The following CACNB2 variants were observed in gnomAD, a reference collection of about 807,000 sequenced individuals.
The protein encoded by CACNB2 is calcium voltage-gated channel auxiliary subunit beta 2.
In CACNB2, 42 loss-of-function variants were observed where a neutral mutation model predicts 73.3. The observed-to-expected ratio is 0.57, with a 90% confidence interval of 0.45 to 0.74. The LOEUF is 0.74. Among genes scored for constraint, CACNB2 ranks in the 30% least tolerant of loss-of-function variants. The probability of loss-of-function intolerance (pLI) is 0.00; values close to 1 mark genes in which losing one functional copy is unlikely to be tolerated. For missense variants in CACNB2, 940 were observed against 853.0 expected, an observed-to-expected ratio of 1.10 and a Z score of -1.27; for synonymous variants, 348 against 310.3, an observed-to-expected ratio of 1.12 and a Z score of -1.28.
intron 9 of CACNB2, among the ~76,000 whole-genome samples, chr10:18,527,098 G>A (rs1250535329): frequency 6.6e-6 from 1 of 151,140 alleles, no homozygotes; most frequent in African/African-American, 2.4e-5. Flanking sequence ...GTGCAGGATA[G>A]GGCCGGGCGC....
chr10:18,242,359 G>A (rs543272837), intron 2 of CACNB2, among the ~76,000 whole-genome samples: 1 of 152,160 alleles, frequency 6.6e-6, no homozygotes. Flanking sequence ...ATATACTTGA[G>A]TAGAGAGTTG....
chr10:18,479,006 T>C (rs944049829), intron 3 of CACNB2, among the ~76,000 whole-genome samples: 2 of 151,946 alleles, frequency 1.3e-5, no homozygotes, highest in African/African-American at 4.8e-5. Flanking sequence ...TGCGGTGAGT[T>C]CTGATCCTAC....
intron 3 of CACNB2, among the ~76,000 whole-genome samples, chr10:18,496,340 A>T (rs1325836222): frequency 6.6e-6 from 1 of 152,150 alleles, no homozygotes; most frequent in South Asian, 2.1e-4. Context: ...AGGGATCTTA[A>T]GTCAGTCTTA....
chr10:18,350,276 TAATA>T (rs1472111202), intron 2 of CACNB2, among the ~76,000 whole-genome samples: 1 of 151,940 alleles, frequency 6.6e-6, no homozygotes, highest in East Asian at 1.9e-4. Context: ...ATAAAAATAA[TAATA>T]ATAATTCTCA....
chr10:18,325,512 G>A (rs2040548435), intron 2 of CACNB2, among the ~76,000 whole-genome samples: 1 of 150,096 alleles, frequency 6.7e-6, no homozygotes, highest in South Asian at 2.1e-4. Context: ...TAGTCTGTCT[G>A]TCTTTCTTTC....
chr10:18,262,434 T>A (rs1588879751), intron 2 of CACNB2, among the ~76,000 whole-genome samples: 1 of 152,198 alleles, frequency 6.6e-6, no homozygotes, highest in South Asian at 2.1e-4. Flanking sequence ...TTGCAGTTGT[T>A]ACATATTTGG....
At chr10:18,342,182 T>G (rs896833725) in intron 2 of CACNB2, among the ~76,000 whole-genome samples, 5 of 152,234 alleles carry the variant, frequency 3.3e-5, no homozygotes, top group Non-Finnish European at 7.3e-5. Context: ...TATTTTTTCC[T>G]GCAGCGGAAT....
At chr10:18,300,738 A>C (rs926298418) in intron 2 of CACNB2, among the ~76,000 whole-genome samples, 1 of 152,116 alleles carries the variant, frequency 6.6e-6, no homozygotes, top group Non-Finnish European at 1.5e-5. Flanking sequence ...AATCCCAGCT[A>C]CTCGGGAGGC....
chr10:18,334,168 G>T (rs183850087), intron 2 of CACNB2, among the ~76,000 whole-genome samples: 118 of 152,286 alleles, frequency 7.7e-4, no homozygotes, highest in African/African-American at 2.7e-3. Context: ...AAGACAACTT[G>T]GGGGCAAGTG....
At chr10:18,417,830 A>G (rs867737368) in intron 3 of CACNB2, among the ~76,000 whole-genome samples, 5 of 152,206 alleles carry the variant, frequency 3.3e-5, no homozygotes, top group Non-Finnish European at 5.9e-5. Flanking sequence ...TGCTGAAGAA[A>G]CAAAATTTAA....
intron 2 of CACNB2, among the ~76,000 whole-genome samples, chr10:18,152,884 C>T (rs566671854): frequency 2.0e-4 from 30 of 152,024 alleles, no homozygotes; most frequent in Middle Eastern, 3.4e-3. Context: ...GTGTAGAACC[C>T]GTTATTAGTC....
In CACNB2 at chr10:18,532,129, A is replaced by T. The variant is rs566309574; in HGVS notation, c.1055-1947A>T. Among the ~76,000 whole-genome samples, 9 of 152,336 alleles carry T rather than the reference A, an allele frequency of 5.9e-5. No homozygotes were observed. The South Asian group carries it at 1.0e-3, about 18-fold the overall frequency. Reference sequence around the variant, plus strand: ...TCATTTTTACTTTGAAGTCAAAAGTATTATCAGAATTTGTCATCGATTCTT... The same window carrying T: ...TCATTTTTACTTTGAAGTCAAAAGTTTTATCAGAATTTGTCATCGATTCTT... On this transcript the variant is annotated intron_variant, in intron 10 of 13. Coordinates refer to ENST00000324631, the MANE Select transcript of CACNB2 (RefSeq NM_201596.3).
At chr10:18,255,561 C>T (rs778305547) in intron 2 of CACNB2, among the ~76,000 whole-genome samples, 4 of 152,140 alleles carry the variant, frequency 2.6e-5, no homozygotes, top group African/African-American at 9.7e-5. Context: ...TTTTACTTGT[C>T]GTTTTCCTAC....
chr10:18,289,395 T>C (rs534844360), intron 2 of CACNB2, among the ~76,000 whole-genome samples: 11 of 149,244 alleles, frequency 7.4e-5, no homozygotes, highest in South Asian at 2.2e-4. Context: ...CCCGGGTTCA[T>C]GCCATTCTCC....
At chr10:18,221,282 TG>T (rs2035783637) in intron 2 of CACNB2, among the ~76,000 whole-genome samples, 1 of 118,064 alleles carries the variant, frequency 8.5e-6, no homozygotes, top group African/African-American at 2.6e-5. Flanking sequence ...TGGAACAATA[TG>T]GGAGTTCAGA....
intron 2 of CACNB2, among the ~76,000 whole-genome samples, chr10:18,258,715 A>G (rs909857187): frequency 6.6e-6 from 1 of 152,104 alleles, no homozygotes; most frequent in African/African-American, 2.4e-5. Flanking sequence ...GACAAGAGCG[A>G]AACTCTGTGT....
chr10:18,291,666 T>C (rs1016711518), intron 2 of CACNB2, among the ~76,000 whole-genome samples: 7 of 152,208 alleles, frequency 4.6e-5, no homozygotes, highest in African/African-American at 9.6e-5. Context: ...ATATACTCCA[T>C]TGGATTTTCC....
chr10:18,351,829 A>G (rs907232914), intron 2 of CACNB2, among the ~76,000 whole-genome samples: 1 of 152,218 alleles, frequency 6.6e-6, no homozygotes, highest in African/African-American at 2.4e-5. Flanking sequence ...TGTGATTTCT[A>G]TTAGAGGCTT....
chr10:18,399,802 A>G (rs948766679), intron 2 of CACNB2, among the ~76,000 whole-genome samples: 2 of 152,170 alleles, frequency 1.3e-5, no homozygotes, highest in South Asian at 4.1e-4. Flanking sequence ...TGTTTATGTC[A>G]AGAAAACAAA....
Sources: gnomAD v4.1 joint callset for allele counts (sites outside exome capture counted in the v4.1 genomes callset) on GRCh38, gnomAD v4.1.1 for gene constraint, MANE v1.5 for transcripts, NCBI Gene and HGNC (gene_info 2026-07-23, HGNC 2026-07-21) for gene names.